HPRT1: variants seen among roughly 807,000 people sequenced by gnomAD.
HPRT1 encodes the protein hypoxanthine-guanine phosphoribosyltransferase.
Under a neutral mutation model 19.0 loss-of-function variants are expected in HPRT1, and 4 were observed. The observed-to-expected ratio is 0.21, with a 90% CI of 0.10 to 0.48. The LOEUF (loss-of-function observed/expected upper bound fraction) is 0.48, where lower values mean the gene tolerates loss of function less well. HPRT1 is among the 20% of genes least tolerant of loss of function. The pLI is 0.98. For missense variants in HPRT1, 65 were observed against 164.0 expected, an observed-to-expected ratio of 0.40 and a Z score of 3.30; for synonymous variants, 53 against 54.9, an observed-to-expected ratio of 0.97 and a Z score of 0.15.
chrX:134,485,858 T>C (rs17879343), intron 3 of HPRT1, among the ~76,000 whole-genome samples: 1,425 of 112,298 alleles, frequency 0.013, 22 homozygotes, highest in African/African-American at 0.044. Flanking sequence ...GCATTTCCCA[T>C]TGAATCTCCT....
intron 5 of HPRT1, 40 bp from the exon 6 acceptor site, chrX:134,493,468 C>T (rs1298904558): frequency 6.3e-6 from 6 of 947,509 alleles, no homozygotes; most frequent in Admixed American, 4.4e-5. Flanking sequence ...TATATTGTGA[C>T]TCTGAATTTA....
intron 2 of HPRT1, among the ~76,000 whole-genome samples, chrX:134,473,820 A>G (rs905777674): frequency 8.9e-6 from 1 of 112,368 alleles, no homozygotes; most frequent in Admixed American, 9.5e-5. Flanking sequence ...ATCTAGCTTG[A>G]AAATTTTCTG....
chrX:134,499,218 C>T (rs1275127905), intron 8 of HPRT1, among the ~76,000 whole-genome samples: 3 of 112,129 alleles, frequency 2.7e-5, no homozygotes, highest in South Asian at 3.7e-4. Flanking sequence ...GTGGCTCACA[C>T]CTGTAATCCT....
At chrX:134,488,208 G>C (rs1325843442) in intron 4 of HPRT1, among the ~76,000 whole-genome samples, 1 of 110,423 alleles carries the variant, frequency 9.1e-6, no homozygotes, top group Non-Finnish European at 1.9e-5. Flanking sequence ...GTACGATCTT[G>C]GCTCACTGCA....
At chrX:134,498,712 A>G (rs745705483) in intron 8 of HPRT1, 28 bp downstream of exon 8, 1 of 981,376 alleles carries the variant, frequency 1.0e-6, no homozygotes, top group Non-Finnish European at 1.5e-6. Context: ...TTTCTCACTC[A>G]TTTTTCAAAA....
intron 8 of HPRT1, among the ~76,000 whole-genome samples, chrX:134,498,954 A>T (rs954609657): frequency 2.7e-5 from 3 of 112,082 alleles, no homozygotes; most frequent in African/African-American, 9.7e-5. Context: ...GTCATAAGTA[A>T]GAAATAAATG....
chrX:134,474,606 C>T, intron 2 of HPRT1, among the ~76,000 whole-genome samples: 1 of 109,951 alleles, frequency 9.1e-6, no homozygotes, highest in South Asian at 3.9e-4. Context: ...TTTGTAGAAA[C>T]AGGGTTCGCC....
chrX:134,476,186 A>T (rs1036491389), intron 3 of HPRT1, among the ~76,000 whole-genome samples: 2 of 111,880 alleles, frequency 1.8e-5, no homozygotes, highest in Admixed American at 1.9e-4. Context: ...TGAGAATAAG[A>T]CCACTTATCT....
intron 3 of HPRT1, among the ~76,000 whole-genome samples, chrX:134,485,307 G>T (rs749250360): frequency 9.0e-6 from 1 of 111,245 alleles, no homozygotes; most frequent in African/African-American, 3.3e-5. Context: ...TTTCCTATGG[G>T]TTCTTATTGT....
At chrX:134,465,198 T>C (rs780735662) in intron 1 of HPRT1, among the ~76,000 whole-genome samples, 2 of 110,509 alleles carry the variant, frequency 1.8e-5, no homozygotes, top group Admixed American at 9.7e-5. Context: ...CCACCGCATC[T>C]GGCCAACATG....
chrX:134,499,532 C>T (rs973368812), intron 8 of HPRT1, among the ~76,000 whole-genome samples: 9 of 109,741 alleles, frequency 8.2e-5, no homozygotes, highest in East Asian at 5.8e-4. Flanking sequence ...AGACTGGGCG[C>T]GGTGGCTCAC....
intron 8 of HPRT1, among the ~76,000 whole-genome samples, chrX:134,499,127 G>C: frequency 9.0e-6 from 1 of 111,225 alleles, no homozygotes. Context: ...TTTTTGCCAC[G>C]TACACTGGCC....
At position 134,500,318 on chromosome X, in the gene HPRT1, G is replaced by GA; in HGVS notation, c.*247dup. ...GCGGATTGTTGTTTAACTTGTAAAT[G>GA]AAAAAATTCTCTTAAACCACAGCAC... On this transcript the variant is annotated 3_prime_UTR_variant, in exon 9 of 9. Coordinates refer to ENST00000298556, the MANE Select transcript of HPRT1 (RefSeq NM_000194.3). 3 of 364,117 alleles carry GA rather than the reference G, an allele frequency of 8.2e-6. No homozygotes were observed. The highest frequency in any genetic ancestry group is 5.3e-5 in the South Asian group (1 of 18,708). 30.0% of individuals were successfully genotyped at this position (364,117 alleles called of 1,213,427 possible).
At chrX:134,498,481 C>T (rs113467921) in intron 7 of HPRT1, 45 bp downstream of exon 7, 2 of 1,101,111 alleles carry the variant, frequency 1.8e-6, no homozygotes, top group African/African-American at 1.8e-5. Flanking sequence ...CATCTTTAAC[C>T]TAAAAGAGTT....
At chrX:134,465,861 C>T (rs1313206332) in intron 1 of HPRT1, among the ~76,000 whole-genome samples, 1 of 111,883 alleles carries the variant, frequency 8.9e-6, no homozygotes, top group Non-Finnish European at 1.9e-5. Context: ...CTTCTAGGCC[C>T]CTCCAGAGCT....
chrX:134,470,098 G>T (rs1446415306), intron 1 of HPRT1, among the ~76,000 whole-genome samples: 3 of 112,452 alleles, frequency 2.7e-5, no homozygotes, highest in Non-Finnish European at 3.8e-5. Context: ...CCCAAGAATA[G>T]AAATTTTTTC....
At chrX:134,474,102 T>C (rs779201030) in intron 2 of HPRT1, among the ~76,000 whole-genome samples, 8 of 111,841 alleles carry the variant, frequency 7.2e-5, no homozygotes, top group African/African-American at 2.6e-4. Context: ...TTAAATGTTA[T>C]TGGACACTTT....
At position 134,467,041 on chromosome X, in the gene HPRT1, C is replaced by CTTTT. The variant is rs779817345; in HGVS notation, c.28-6300_28-6297dup. 7.7e-3 allele frequency among the ~76,000 whole-genome samples: 470 copies of CTTTT among 60,941 alleles called. 6 individuals are homozygous for CTTTT. The highest frequency in any genetic ancestry group is 0.018 in the East Asian group (29 of 1,620). 52.9% of individuals were successfully genotyped at this position (60,941 alleles called of 115,157 possible). A position where few individuals can be genotyped will look rare whatever the true frequency, so the allele number is the denominator to read the frequency against. On this transcript the variant is annotated intron_variant, in intron 1 of 8. Coordinates refer to ENST00000298556, the MANE Select transcript of HPRT1 (RefSeq NM_000194.3). ...TATGCCTTTCCCACTAGATTTTAAG[C>CTTTT]TTTTTTTTTTTTTTTTTTTTTGTGA...
At chrX:134,478,182 A>T (rs1345635191) in intron 3 of HPRT1, among the ~76,000 whole-genome samples, 2 of 112,014 alleles carry the variant, frequency 1.8e-5, no homozygotes, top group African/African-American at 6.5e-5. Context: ...AATCTGGCTG[A>T]TCCGTACTAA....
Sources: allele counts gnomAD v4.1 joint callset (sites outside exome capture counted in the v4.1 genomes callset), GRCh38; gene constraint gnomAD v4.1.1; transcripts MANE v1.5; gene names NCBI Gene and HGNC (gene_info 2026-07-23, HGNC 2026-07-21).